GANAB: variants seen among roughly 807,000 people sequenced by gnomAD.
GANAB encodes glucosidase II alpha subunit, also known as neutral alpha-glucosidase AB.
GANAB carries 35 observed loss-of-function variants against 129.9 expected under a neutral mutation model. The ratio of observed to expected loss-of-function variants is 0.27; its 90% confidence interval spans 0.21 to 0.36. The LOEUF (loss-of-function observed/expected upper bound fraction) is 0.36. Among genes scored for constraint, GANAB ranks in the 10% least tolerant of loss-of-function variants. The pLI, the probability that GANAB is intolerant of heterozygous loss-of-function variation, is 1.00. For synonymous variants in GANAB, 482 were observed against 451.8 expected (o/e 1.07, Z -0.85); for missense variants, 939 against 1,221.0 (o/e 0.77, Z 3.44).
chr11:62,629,148 G>A, intron 16 of GANAB, 46 bp downstream of exon 16: 2 of 1,541,918 alleles, frequency 1.3e-6, no homozygotes, highest in Non-Finnish European at 1.8e-6. Flanking sequence ...CCTCTACTTT[G>A]CCCCTTTCCC....
intron 1 of GANAB, among the ~76,000 whole-genome samples, chr11:62,646,079 C>A (rs961125033): frequency 6.6e-6 from 1 of 152,190 alleles, no homozygotes; most frequent in Non-Finnish European, 1.5e-5. Flanking sequence ...AAGACAAGGG[C>A]AGAGGAGGAT....
Position 62,629,886 on chromosome 11 carries a change from G to A in GANAB, c.1665C>T (p.Thr555=). 6.2e-7 allele frequency: 1 copy of A among 1,613,940 alleles called. No individual in the cohort carries two copies. The highest frequency in any genetic ancestry group is 8.5e-7 in the Non-Finnish European group (1 of 1,179,814). The change falls in exon 14 of 24, where the codon ACC becomes ACT. Residue 555 remains threonine (T), a synonymous_variant. Coordinates refer to ENST00000356638, the MANE Select transcript of GANAB (RefSeq NM_198334.3). ...EPSVFNGPEV[T]MLKDAQHYGG... ...CATAATGCTGGGCATCCTTGAGCATGGTGACCTCAGGACCATTGAACACAG... is the reference window on the plus strand; with the variant it reads ...CATAATGCTGGGCATCCTTGAGCATAGTGACCTCAGGACCATTGAACACAG...
intron 5 of GANAB, 40 bp downstream of exon 5, chr11:62,634,781 T>C: frequency 6.5e-7 from 1 of 1,546,768 alleles, no homozygotes; most frequent in Non-Finnish European, 8.9e-7. Context: ...CCTATGCTCT[T>C]TCACACTAGG....
intron 4 of GANAB, among the ~76,000 whole-genome samples, chr11:62,635,572 C>T (rs1426241518): frequency 2.5e-5 from 3 of 121,056 alleles, no homozygotes; most frequent in Admixed American, 9.3e-5. Flanking sequence ...ACTGAAAAAA[C>T]ATTTTCCATA....
intron 3 of GANAB, 84 bp downstream of exon 3, chr11:62,639,275 G>A (rs1201460873): frequency 7.9e-7 from 1 of 1,265,348 alleles, no homozygotes; most frequent in Admixed American, 1.7e-5. Flanking sequence ...GCTGGGACAA[G>A]ATGTTGGCCA....
intron 1 of GANAB, among the ~76,000 whole-genome samples, chr11:62,646,096 C>G (rs1255446184): frequency 6.6e-6 from 1 of 152,206 alleles, no homozygotes; most frequent in African/African-American, 2.4e-5. Context: ...GGATTCGGAG[C>G]TCTACAGGGT....
chr11:62,627,023 C>T, intron 19 of GANAB, 25 bp downstream of exon 19: 1 of 1,603,770 alleles, frequency 6.2e-7, no homozygotes, highest in Non-Finnish European at 8.5e-7. Flanking sequence ...ACCATCTTTC[C>T]CCACCATGCC....
At chr11:62,635,929 C>T (rs367657865) in intron 4 of GANAB, among the ~76,000 whole-genome samples, 2 of 152,046 alleles carry the variant, frequency 1.3e-5, no homozygotes, top group African/African-American at 4.8e-5. Flanking sequence ...CACGCCCAAC[C>T]CCTTGATATC....
rs1381517097 is a variant in GANAB, at chr11:62,625,381, G to T, written c.*434C>A. The stretch of plus-strand genomic sequence containing the variant: ...AAATGAAAGGTGGGAGAGCAATCTG[G>T]TGGGAGGGAAGGGGAAAAGGAGCCC... On this transcript the variant is annotated 3_prime_UTR_variant, in exon 24 of 24. Coordinates refer to ENST00000356638, the MANE Select transcript of GANAB (RefSeq NM_198334.3). The T allele has an allele frequency of 4.6e-6, 2 of 436,118 alleles. No individual in the cohort carries two copies. The highest frequency in any genetic ancestry group is 9.2e-6 in the Non-Finnish European group (2 of 218,164). The allele number at this position is 436,118 out of a possible 1,614,324, so 27.0% of individuals were successfully genotyped here. A position where few individuals can be genotyped will look rare whatever the true frequency, so the allele number is the denominator to read the frequency against.
At chr11:62,635,710 C>T (rs547796838) in intron 4 of GANAB, among the ~76,000 whole-genome samples, 2 of 151,942 alleles carry the variant, frequency 1.3e-5, no homozygotes, top group East Asian at 1.9e-4. Flanking sequence ...ACTGCAACCT[C>T]CACCTTCCAG....
intron 6 of GANAB, 73 bp downstream of exon 6, chr11:62,633,372 G>C: frequency 9.6e-6 from 15 of 1,561,372 alleles, no homozygotes; most frequent in Non-Finnish European, 1.2e-5. Flanking sequence ...CTAAGTTCAA[G>C]TTTCTCATGG....
At chr11:62,637,806 G>A (rs926242781) in intron 4 of GANAB, among the ~76,000 whole-genome samples, 11 of 151,578 alleles carry the variant, frequency 7.3e-5, no homozygotes, top group Admixed American at 2.6e-4. Context: ...AGGCTGAGGC[G>A]GGCGGATCAC....
rs533419434 is a variant in GANAB at position 62,632,426 on chromosome 11, G to C, written c.996+139C>G. ...TGAGCGTGTCACCTGGGAGTGATTA[G>C]GGAACTCAAATGCTGCCCACCAGGC... On this transcript the variant is annotated intron_variant, in intron 9 of 23. Coordinates refer to ENST00000356638, the MANE Select transcript of GANAB (RefSeq NM_198334.3). The C allele has an allele frequency of 1.9e-5, 13 of 674,520 alleles. No homozygotes were observed. The East Asian group carries it at 3.0e-4, about 16-fold the overall frequency. 41.8% of individuals were successfully genotyped at this position (674,520 alleles called of 1,614,324 possible). A position where few individuals can be genotyped will look rare whatever the true frequency, so the allele number is the denominator to read the frequency against.
rs1436086018 is a variant in GANAB at position 62,630,368 on chromosome 11, G to T, written c.1513+11C>A. The stretch of plus-strand genomic sequence containing the variant: ...GCCAATCAACTCTCCCTCAATTCTG[G>T]GTCTGCTTACCTGGCCAGCACCAGC... On this transcript the variant is annotated intron_variant, in intron 12 of 23. Coordinates refer to ENST00000356638, the MANE Select transcript of GANAB (RefSeq NM_198334.3). 6.2e-7 allele frequency: 1 copy of T among 1,614,060 alleles called. No homozygotes were observed. The highest frequency in any genetic ancestry group is 1.3e-5 in the African/African-American group (1 of 75,030).
chr11:62,639,215 C>G, intron 3 of GANAB, 105 bp from the exon 4 acceptor site: 1 of 1,387,796 alleles, frequency 7.2e-7, no homozygotes. Flanking sequence ...GAGCCCTTTG[C>G]CTAAAGGCCA....
intron 1 of GANAB, among the ~76,000 whole-genome samples, chr11:62,640,258 GCGCGGTGGCTCA>G (rs1385017961): frequency 1.6e-5 from 1 of 62,138 alleles, no homozygotes; most frequent in Non-Finnish European, 3.2e-5. Context: ...AAAAAGCCAG[GCGCGGTGGCTCA>G]CGCCTGTAAT....
intron 9 of GANAB, 122 bp from the exon 10 acceptor site, chr11:62,631,305 G>GT (rs1455329574): frequency 1.2e-6 from 1 of 842,212 alleles, no homozygotes; most frequent in Non-Finnish European, 1.8e-6. Flanking sequence ...GCTGCTTTCG[G>GT]TAAGACTAAA....
intron 1 of GANAB, among the ~76,000 whole-genome samples, chr11:62,646,321 G>A (rs768355339): frequency 3.3e-5 from 5 of 152,234 alleles, no homozygotes; most frequent in East Asian, 3.9e-4. Flanking sequence ...CAAGAAAGAC[G>A]CACAGCTGTG....
Position 62,635,007 on chromosome 11 carries a change from A to C in GANAB, c.381-7T>G. On this transcript the variant is annotated splice_region_variant and splice_polypyrimidine_tract_variant and intron_variant, in intron 4 of 23. Coordinates refer to ENST00000356638, the MANE Select transcript of GANAB (RefSeq NM_198334.3). The stretch of plus-strand genomic sequence containing the variant: ...ACGACCAGAGACAGAAAGCCTGGGA[A>C]ACATATCAAAAGAAATATAAGGAAG... 1.2e-6 allele frequency: 2 copies of C among 1,604,254 alleles called. No homozygotes were observed. Among genetic ancestry groups the C allele is most frequent in the East Asian group, 2.2e-5 (1 of 44,664 alleles).
Sources: gnomAD v4.1 joint callset for allele counts (sites outside exome capture counted in the v4.1 genomes callset) on GRCh38, gnomAD v4.1.1 for gene constraint, MANE v1.5 for transcripts, NCBI Gene and HGNC (gene_info 2026-07-23, HGNC 2026-07-21) for gene names.